Variants in DCLRE1C observed in about 807,000 individuals in gnomAD.
The protein encoded by DCLRE1C is protein artemis.
In DCLRE1C, 47 loss-of-function variants were observed where a neutral mutation model predicts 61.4. The observed-to-expected ratio is 0.77, with a 90% CI of 0.61 to 0.98. The LOEUF (loss-of-function observed/expected upper bound fraction) is 0.98. DCLRE1C is among the 50% of genes least tolerant of loss of function. The pLI, the probability that DCLRE1C is intolerant of heterozygous loss-of-function variation, is 0.00. For missense variants in DCLRE1C, 858 were observed against 816.0 expected (o/e 1.05, Z -0.63); for synonymous variants, 337 against 287.6 (o/e 1.17, Z -1.74).
chr10:14,928,844 A>G (rs931821475), intron 9 of DCLRE1C, among the ~76,000 whole-genome samples: 6 of 148,770 alleles, frequency 4.0e-5, no homozygotes, highest in African/African-American at 1.5e-4. Context: ...GTGTGGTGGT[A>G]CCATCTCAAC....
At chr10:14,913,984 AAG>A (rs1288176075) in intron 13 of DCLRE1C, among the ~76,000 whole-genome samples, 2 of 152,208 alleles carry the variant, frequency 1.3e-5, no homozygotes, top group Non-Finnish European at 2.9e-5. Context: ...CTTGACCTGA[AAG>A]AAGGCCAAAA....
chr10:14,927,729 T>C (rs1838262531), intron 10 of DCLRE1C, among the ~76,000 whole-genome samples: 1 of 152,212 alleles, frequency 6.6e-6, no homozygotes, highest in Admixed American at 6.5e-5. Context: ...CCAAGGGTTC[T>C]GTTCTGTATG....
intron 6 of DCLRE1C, 94 bp downstream of exon 6, chr10:14,935,369 G>A: frequency 7.3e-7 from 1 of 1,369,792 alleles, no homozygotes; most frequent in Non-Finnish European, 1.0e-6. Flanking sequence ...GGGAGGCTGA[G>A]GCAGGAGAAT....
At chr10:14,920,855 G>A (rs912005592) in intron 12 of DCLRE1C, among the ~76,000 whole-genome samples, 3 of 151,904 alleles carry the variant, frequency 2.0e-5, no homozygotes, top group South Asian at 2.1e-4. Context: ...GGTGGTGGGC[G>A]CCTGGAATCA....
At chr10:14,918,056 TCTC>T (rs1836498202) in intron 13 of DCLRE1C, among the ~76,000 whole-genome samples, 1 of 152,136 alleles carries the variant, frequency 6.6e-6, no homozygotes, top group Non-Finnish European at 1.5e-5. Flanking sequence ...CTCATACACT[TCTC>T]CTGGGAACAC....
intron 13 of DCLRE1C, chr10:14,899,326 A>G (rs1833829862): frequency 1.4e-6 from 1 of 692,016 alleles, no homozygotes; most frequent in Non-Finnish European, 2.6e-6. Flanking sequence ...TTTAAAAAAA[A>G]AAGGTCATCA....
In DCLRE1C at chr10:14,908,656, C is replaced by T. The variant is rs1254550498; in HGVS notation, c.1831G>A (p.Asp611Asn). ...CCAGTACTAGGAACTATTGTCACAT[C>T]TTTATCTCTGCTTTTCAAATCAGAG... is the stretch of plus-strand genomic sequence containing the variant. ...TYSDLKSRDKDVTIVPSTGEP... is the reference protein window; with the variant it reads ...TYSDLKSRDKNVTIVPSTGEP... Residue 611 changes from aspartate (D) to asparagine (N), a missense_variant, in exon 14 of 14, where the codon GAT (aspartate) becomes AAT (asparagine). Asp to Asn is a conservative substitution (Grantham distance 23). Transcript: ENST00000378278. 1.9e-6 allele frequency: 3 copies of T among 1,614,166 alleles called. No homozygotes were observed. Among genetic ancestry groups the T allele is most frequent in the Middle Eastern group, 1.6e-4 (1 of 6,062 alleles).
chr10:14,901,806 C>G (rs1287921688), downstream of DCLRE1C, among the ~76,000 whole-genome samples: 1 of 151,498 alleles, frequency 6.6e-6, no homozygotes, highest in Non-Finnish European at 1.5e-5. Flanking sequence ...GCACTCCAGC[C>G]TGGACGACAG....
intron 13 of DCLRE1C, among the ~76,000 whole-genome samples, chr10:14,916,635 C>G (rs1368403365): frequency 6.6e-6 from 1 of 152,186 alleles, no homozygotes; most frequent in Non-Finnish European, 1.5e-5. Context: ...TAACAACAAT[C>G]AGGAATTGAA....
In DCLRE1C at chr10:14,908,211, T is replaced by G; in HGVS notation, c.*197A>C. 2.0e-6 allele frequency: 1 copy of G among 501,448 alleles called. No homozygotes were observed. The allele number at this position is 501,448 out of a possible 1,614,324, so 31.1% of individuals were successfully genotyped here. A position where few individuals can be genotyped will look rare whatever the true frequency, so the allele number is the denominator to read the frequency against. ...TTGTAAGTAGAGACACATTTCACTG[T>G]GTTGGCCAGGCTGGTGTCGAACTCC... On this transcript the variant is annotated 3_prime_UTR_variant, in exon 14 of 14. Transcript: ENST00000378278.
rs772391197 is a variant in DCLRE1C, at chr10:14,934,465, G to C, written c.593C>G (p.Pro198Arg). 3 of 1,614,100 alleles carry C rather than the reference G, an allele frequency of 1.9e-6. No individual in the cohort carries two copies. Among genetic ancestry groups the C allele is most frequent in the African/African-American group, 1.3e-5 (1 of 75,022 alleles). ...GCAGTTCAGCCACACAACATGGTAC[G>C]GGCTCCGAGTGATCCAGCTTCGGAC... ...ELVRSWITRS[P>R]YHVVWLNCKA... Residue 198 changes from proline (P) to arginine (R), a missense_variant, in exon 8 of 14, where the codon CCG becomes CGG. Physicochemically the swap from Pro to Arg is moderately radical, Grantham distance 103 (BLOSUM62 -2). Coordinates refer to ENST00000378278, the MANE Select transcript of DCLRE1C (RefSeq NM_001033855.3).
At chr10:14,953,745 T>G (rs898007897) in intron 1 of DCLRE1C, among the ~76,000 whole-genome samples, 157 bp downstream of exon 1, 1 of 152,160 alleles carries the variant, frequency 6.6e-6, no homozygotes, top group African/African-American at 2.4e-5. Context: ...ATGAAGCCTT[T>G]GAGAGGCTGA....
chr10:14,901,934 A>C (rs994271485), downstream of DCLRE1C, among the ~76,000 whole-genome samples: 2 of 152,190 alleles, frequency 1.3e-5, no homozygotes, highest in African/African-American at 4.8e-5. Context: ...TTCCTACTTG[A>C]ACCTGGCTTT....
Position 14,927,962 on chromosome 10 carries a change from TCAGA to T in DCLRE1C, c.917+50_917+53del, listed in dbSNP as rs1458606982. 3.0e-5 allele frequency: 48 copies of T among 1,578,014 alleles called. 1 individual carries two copies. In the Admixed American group the frequency reaches 7.7e-4, roughly 25 times the overall value. ...TAGACTGTGCTTAAATGAAATTAAA[TCAGA>T]CAATTTACTCAAAGTTTCTCTCAGA... On this transcript the variant is annotated intron_variant, in intron 10 of 13. Coordinates refer to ENST00000378278, the MANE Select transcript of DCLRE1C (RefSeq NM_001033855.3).
exon 14 of DCLRE1C, chr10:14,897,713 T>C: frequency 2.5e-6 from 1 of 398,908 alleles, no homozygotes; most frequent in Non-Finnish European, 4.3e-6. Flanking sequence ...GAATAAAAAA[T>C]ATACGTTAAA....
chr10:14,934,766 G>A lies in DCLRE1C; in HGVS notation c.474C>T (p.Asp158=), dbSNP rs777317576. 2.5e-6 allele frequency: 4 copies of A among 1,611,260 alleles called. No homozygotes were observed. Among genetic ancestry groups the A allele is most frequent in the African/African-American group, 2.7e-5 (2 of 74,832 alleles). Reference sequence around the variant, plus strand: ...TAGTATCCAAATATACACTTTGGATGTCTTTGACTCTGAAAAGAAAAAAAA... The same window carrying A: ...TAGTATCCAAATATACACTTTGGATATCTTTGACTCTGAAAAGAAAAAAAA... The part of the protein sequence containing the change: ...ELLHSGGRVK[D]IQSVYLDTTF... Residue 158 remains aspartate (D), a synonymous_variant, in exon 7 of 14, where the codon GAC becomes GAT. Transcript: ENST00000378278.
chr10:14,899,182 A>G lies in DCLRE1C; in HGVS notation c.1287T>C (p.His429=). 4.3e-6 allele frequency: 3 copies of G among 701,696 alleles called. No individual in the cohort carries two copies. The South Asian group carries it at 4.4e-5, about 10-fold the overall frequency. The allele number at this position is 701,696 out of a possible 1,614,324, so 43.5% of individuals were successfully genotyped here. ...ATAAAAACTAAATCATTAGCTGGGCATGGCGGTATGCACCTGTGATCCAGC... is the reference window on the plus strand; with the variant it reads ...ATAAAAACTAAATCATTAGCTGGGCGTGGCGGTATGCACCTGTGATCCAGC... The change falls in exon 14 of 14, where the codon CAT becomes CAC. Residue 429 remains histidine (H), a synonymous_variant. Transcript: ENST00000378289.
intron 1 of DCLRE1C, among the ~76,000 whole-genome samples, chr10:14,950,821 T>A (rs1481180247): frequency 6.6e-6 from 1 of 152,146 alleles, no homozygotes; most frequent in Non-Finnish European, 1.5e-5. Context: ...CTGGATGGGT[T>A]TGCTTTGTGT....
chr10:14,907,251 T>C lies in DCLRE1C; in HGVS notation c.*1157A>G, dbSNP rs985023789. ...TTAAGTGACTTAACATCTTTGGGGA[T>C]AAATAAGGTGCTGATTTTGTCTATA... On this transcript the variant is annotated 3_prime_UTR_variant, in exon 14 of 14. Transcript: ENST00000378278. 1.3e-5 allele frequency among the ~76,000 whole-genome samples: 2 copies of C among 151,114 alleles called. No homozygotes were observed. Among genetic ancestry groups the C allele is most frequent in the Admixed American group, 1.3e-4 (2 of 15,082 alleles).
Sources: gnomAD v4.1 joint callset for allele counts (sites outside exome capture counted in the v4.1 genomes callset) on GRCh38, gnomAD v4.1.1 for gene constraint, MANE v1.5 for transcripts, NCBI Gene and HGNC (gene_info 2026-07-23, HGNC 2026-07-21) for gene names.